Variants in POLA1 observed in about 807,000 individuals in gnomAD.
POLA1 encodes the protein DNA polymerase alpha catalytic subunit.
A neutral mutation model predicts 124.0 loss-of-function variants in POLA1; 15 were observed. The ratio of observed to expected loss-of-function variants is 0.12; its 90% CI spans 0.08 to 0.19. The LOEUF (loss-of-function observed/expected upper bound fraction) is 0.19, where lower values mean the gene tolerates loss of function less well. POLA1 is among the 10% of genes least tolerant of loss of function. POLA1 has a pLI of 1.00. For synonymous variants in POLA1, 408 were observed against 389.4 expected (o/e 1.05, Z -0.56); for missense variants, 886 against 1,103.4 (o/e 0.80, Z 2.79).
chrX:24,995,646 G>A lies in POLA1; in HGVS notation c.4262-159G>A, dbSNP rs550888123. On this transcript the variant is annotated intron_variant, in intron 36 of 36. Coordinates refer to ENST00000379068, the MANE Select transcript of POLA1 (RefSeq NM_001330360.2). ...GAAAGGAAGAAAAGCTTTCACAGAG[G>A]AATGGTCGGCGGGGGCTGCATCTGA... Among the ~76,000 whole-genome samples the A allele has an allele frequency of 2.7e-3, 298 of 111,674 alleles. 1 individual carries two copies. The highest frequency in any genetic ancestry group is 5.8e-3 in the Admixed American group (61 of 10,569).
intron 36 of POLA1, among the ~76,000 whole-genome samples, chrX:24,975,268 C>T (rs990435845): frequency 1.8e-5 from 2 of 112,503 alleles, no homozygotes; most frequent in Admixed American, 1.9e-4. Context: ...CCTTGGCCTC[C>T]CAAAGTGCTG....
At chrX:24,739,097 C>T (rs1656274315) in intron 19 of POLA1, among the ~76,000 whole-genome samples, 1 of 111,533 alleles carries the variant, frequency 9.0e-6, no homozygotes, top group African/African-American at 3.3e-5. Flanking sequence ...TTTCCATCCA[C>T]TTGTTACCTC....
chrX:24,925,994 C>T (rs1160002959), intron 35 of POLA1, among the ~76,000 whole-genome samples: 2 of 110,101 alleles, frequency 1.8e-5, no homozygotes, highest in African/African-American at 6.6e-5. Flanking sequence ...CTGAGGAGTT[C>T]GAGACCAGCC....
chrX:24,827,998 C>G (rs972460292), intron 32 of POLA1, among the ~76,000 whole-genome samples: 1 of 112,062 alleles, frequency 8.9e-6, no homozygotes, highest in African/African-American at 3.2e-5. Flanking sequence ...CCTGCTACCC[C>G]CATCGTCACT....
intron 36 of POLA1, among the ~76,000 whole-genome samples, chrX:24,971,233 G>A (rs992379818): frequency 1.8e-5 from 2 of 111,697 alleles, no homozygotes; most frequent in South Asian, 3.8e-4. Context: ...GTTCAATCTT[G>A]AACCCTCTTC....
intron 30 of POLA1, among the ~76,000 whole-genome samples, chrX:24,820,234 G>A (rs2046065287): frequency 1.8e-5 from 2 of 111,582 alleles, no homozygotes; most frequent in South Asian, 3.8e-4. Context: ...TGTTTATAAG[G>A]CATCAGCAGT....
intron 34 of POLA1, among the ~76,000 whole-genome samples, chrX:24,853,736 G>A (rs1355206867): frequency 2.7e-5 from 3 of 111,184 alleles, no homozygotes; most frequent in African/African-American, 9.8e-5. Context: ...GAAGATGTCT[G>A]CCAGATACCC....
chrX:24,741,054 G>T (rs1477473000), intron 20 of POLA1, among the ~76,000 whole-genome samples: 1 of 109,683 alleles, frequency 9.1e-6, no homozygotes, highest in Non-Finnish European at 1.9e-5. Context: ...ATGAATGAAA[G>T]GATTTAGGTA....
At chrX:24,947,377 C>G (rs774937786) in intron 36 of POLA1, among the ~76,000 whole-genome samples, 1 of 102,777 alleles carries the variant, frequency 9.7e-6, no homozygotes, top group South Asian at 4.8e-4. Flanking sequence ...AGGTGACCCT[C>G]CCACTTAAGC....
intron 1 of POLA1, 72 bp from the exon 2 acceptor site, chrX:24,699,351 CTT>C: frequency 1.2e-6 from 1 of 861,373 alleles, no homozygotes; most frequent in Non-Finnish European, 1.6e-6. Flanking sequence ...TGGCTAGAAA[CTT>C]TTCCTTTGTG....
In POLA1 at chrX:24,909,416, T is replaced by G. The variant is rs866584422; in HGVS notation, c.4165-21037T>G. ...CCATCTTGAATTCATTTTTGTATAA[T>G]GTGTAAGGAAGGGATCCAGTTTCAG... is the stretch of plus-strand genomic sequence containing the variant. On this transcript the variant is annotated intron_variant, in intron 35 of 36. Transcript: ENST00000379068. Among the ~76,000 whole-genome samples the G allele has an allele frequency of 1.2e-3, 133 of 111,984 alleles. 1 individual carries two copies. The highest frequency in any genetic ancestry group is 2.6e-3 in the Admixed American group (28 of 10,574).
At chrX:24,737,521 A>G (rs969643549) in intron 18 of POLA1, 104 bp from the exon 19 acceptor site, 14 of 497,546 alleles carry the variant, frequency 2.8e-5, no homozygotes, top group Middle Eastern at 6.9e-4. Context: ...GTCTTCAATT[A>G]GAGACTAGAA....
chrX:24,995,881 C>G lies in POLA1; in HGVS notation c.4338C>G (p.Phe1446Leu). 8.3e-7 allele frequency: 1 copy of G among 1,209,863 alleles called. No individual in the cohort carries two copies. Among genetic ancestry groups the G allele is most frequent in the Non-Finnish European group, 1.1e-6 (1 of 893,864 alleles). The change falls in exon 37 of 37, where the codon TTC becomes TTG. Residue 1446 changes from phenylalanine to leucine, a missense_variant. By Grantham distance (22) the Phe-to-Leu change is conservative. Transcript: ENST00000379068. ...YRKLKNTAEQ[F>L]LSRSGYSEVN... is the part of the protein sequence containing the mutation. ...AACTCAAGAACACAGCAGAGCAATTCTTGTCCCGAAGTGGCTACTCCGAAG... is the reference window on the plus strand; with the variant it reads ...AACTCAAGAACACAGCAGAGCAATTGTTGTCCCGAAGTGGCTACTCCGAAG...
At chrX:24,828,466 A>G (rs1441641236) in intron 32 of POLA1, among the ~76,000 whole-genome samples, 1 of 112,060 alleles carries the variant, frequency 8.9e-6, no homozygotes, top group African/African-American at 3.2e-5. Flanking sequence ...GCTATGAAAG[A>G]TGTTTTCAAC....
At chrX:24,774,386 G>A (rs1048020034) in intron 26 of POLA1, among the ~76,000 whole-genome samples, 8 of 111,955 alleles carry the variant, frequency 7.1e-5, no homozygotes, top group African/African-American at 2.6e-4. Flanking sequence ...CAAGAAAATA[G>A]AAGATTGTTG....
chrX:24,986,933 C>G (rs2048487053), intron 36 of POLA1, among the ~76,000 whole-genome samples: 1 of 111,401 alleles, frequency 9.0e-6, no homozygotes, highest in East Asian at 2.8e-4. Context: ...TAGGCAGCTT[C>G]TAAGATGGCA....
intron 36 of POLA1, among the ~76,000 whole-genome samples, chrX:24,936,900 A>G (rs983339180): frequency 5.3e-5 from 6 of 112,317 alleles, no homozygotes; most frequent in East Asian, 2.8e-4. Context: ...TTTAATAAGT[A>G]ATAACAGGTA....
chrX:24,984,205 T>C (rs1306564455), intron 36 of POLA1, among the ~76,000 whole-genome samples: 2 of 112,389 alleles, frequency 1.8e-5, no homozygotes, highest in African/African-American at 6.5e-5. Context: ...AAAGTATACA[T>C]TGAGGATTAT....
intron 35 of POLA1, among the ~76,000 whole-genome samples, chrX:24,893,681 C>A (rs1446689128): frequency 8.9e-6 from 1 of 112,233 alleles, no homozygotes; most frequent in African/African-American, 3.2e-5. Context: ...TTTCACCTCG[C>A]ATAACATTTT....
Sources: gnomAD v4.1 joint callset for allele counts (sites outside exome capture counted in the v4.1 genomes callset) on GRCh38, gnomAD v4.1.1 for gene constraint, MANE v1.5 for transcripts, NCBI Gene and HGNC (gene_info 2026-07-23, HGNC 2026-07-21) for gene names.